KHDRBS2: variants seen among roughly 807,000 people sequenced by gnomAD.
KHDRBS2 encodes the protein KH RNA binding domain containing, signal transduction associated 2, also known as KH domain-containing, RNA-binding, signal transduction-associated protein 2.
In KHDRBS2, 26 loss-of-function variants were observed where a neutral mutation model predicts 44.3. That is an observed-to-expected ratio of 0.59 (90% CI 0.43 to 0.81). The LOEUF is 0.81. KHDRBS2 is among the 40% of genes least tolerant of loss of function. The pLI, the probability that KHDRBS2 is intolerant of heterozygous loss-of-function variation, is 0.00. For synonymous variants in KHDRBS2, 194 were observed against 151.1 expected (o/e 1.28, Z -2.08); for missense variants, 476 against 433.1 (o/e 1.10, Z -0.88).
intron 3 of KHDRBS2, among the ~76,000 whole-genome samples, chr6:62,022,528 C>T (rs187070217): frequency 8.8e-4 from 133 of 151,760 alleles, no homozygotes; most frequent in Middle Eastern, 6.8e-3. Flanking sequence ...TGTACTATAT[C>T]CTAAAAAGAC....
intron 4 of KHDRBS2, among the ~76,000 whole-genome samples, chr6:61,916,840 A>T (rs1458323896): frequency 2.6e-5 from 4 of 151,874 alleles, no homozygotes; most frequent in African/African-American, 9.7e-5. Flanking sequence ...GCTCAAAATC[A>T]TATGTCATTA....
At chr6:61,556,077 C>T in the KHDRBS2 span, among the ~76,000 whole-genome samples, 8 of 152,146 alleles carry the variant, frequency 5.3e-5, no homozygotes, top group Non-Finnish European at 1.2e-4. Flanking sequence ...CTGCCTGCAT[C>T]CATGTGGGCA....
intron 6 of KHDRBS2, among the ~76,000 whole-genome samples, chr6:61,805,162 A>AT (rs1389973378): frequency 6.6e-6 from 1 of 151,976 alleles, no homozygotes; most frequent in African/African-American, 2.4e-5. Context: ...CTGCTTAGAA[A>AT]TTTTTTCCTC....
In KHDRBS2 at chr6:61,730,388, G is replaced by A. The variant is rs997340887; in HGVS notation, c.893+2294C>T. ...CCATGGTGTAGAACATATTAGGCTC[G>A]ACATTCACATACTCAACAATTATCC... On this transcript the variant is annotated intron_variant, in intron 7 of 8. Transcript: ENST00000281156. Among the ~76,000 whole-genome samples the A allele has an allele frequency of 7.9e-5, 12 of 151,810 alleles. No homozygotes were observed. In the East Asian group the frequency reaches 1.2e-3, roughly 15 times the overall value.
At chr6:62,243,604 CA>C (rs11306947) in intron 1 of KHDRBS2, among the ~76,000 whole-genome samples, 37,360 of 116,396 alleles carry the variant, frequency 0.32, 7,058 homozygotes, top group African/African-American at 0.59. Context: ...CATACCTATA[CA>C]AAAAAAAAAA....
rs560896225 is a variant in KHDRBS2 at position 62,047,948 on chromosome 6, T to C, written c.266A>G (p.Lys89Arg). The C allele has an allele frequency of 5.0e-6, 8 of 1,612,100 alleles. No individual in the cohort carries two copies. The highest frequency in any genetic ancestry group is 2.2e-5 in the South Asian group (2 of 91,040). The change falls in exon 3 of 9, where the codon AAG (lysine) becomes AGG (arginine). Residue 89 changes from lysine to arginine, a missense_variant. By Grantham distance (26) the Lys-to-Arg change is conservative (BLOSUM62 2). Transcript: ENST00000281156. The stretch of plus-strand genomic sequence containing the variant: ...AGCACCTGTTTCTTCCTGTAGCCTC[T>C]TCAAGGAGTTTCCTCTTGGTCCAAG... ...KLLGPRGNSL[K>R]RLQEETGAKM... is the part of the protein sequence containing the mutation.
At chr6:61,966,500 T>C (rs1255545187) in intron 4 of KHDRBS2, among the ~76,000 whole-genome samples, 2 of 152,034 alleles carry the variant, frequency 1.3e-5, no homozygotes, top group African/African-American at 4.8e-5. Flanking sequence ...ATAATTTGCA[T>C]GTGCATTTTT....
intron 4 of KHDRBS2, among the ~76,000 whole-genome samples, chr6:61,903,494 A>C (rs547703831): frequency 6.6e-6 from 1 of 152,338 alleles, no homozygotes; most frequent in South Asian, 2.1e-4. Flanking sequence ...ATTTTATAAT[A>C]ATAAGATGAA....
intron 2 of KHDRBS2, among the ~76,000 whole-genome samples, chr6:62,111,423 G>T (rs1202548068): frequency 6.6e-6 from 1 of 152,148 alleles, no homozygotes; most frequent in East Asian, 1.9e-4. Context: ...TCATGGTATA[G>T]TATCTTATAT....
chr6:61,842,466 C>T (rs1389564189), intron 6 of KHDRBS2, among the ~76,000 whole-genome samples: 1 of 152,124 alleles, frequency 6.6e-6, no homozygotes, highest in African/African-American at 2.4e-5. Context: ...ATCTTGAATG[C>T]TTCCTGGGGC....
At chr6:62,216,840 T>A (rs1830084979) in intron 1 of KHDRBS2, among the ~76,000 whole-genome samples, 1 of 151,266 alleles carries the variant, frequency 6.6e-6, no homozygotes. Context: ...AGTTTGCACC[T>A]CGTAAAATTA....
chr6:61,609,840 C>T, the KHDRBS2 span, among the ~76,000 whole-genome samples: 2 of 152,082 alleles, frequency 1.3e-5, no homozygotes, highest in Non-Finnish European at 2.9e-5. Flanking sequence ...CAGAATATAT[C>T]CTGAGGAATA....
chr6:62,132,725 T>C (rs1810616518), intron 2 of KHDRBS2, among the ~76,000 whole-genome samples: 1 of 152,200 alleles, frequency 6.6e-6, no homozygotes, highest in South Asian at 2.1e-4. Flanking sequence ...AACATGGCAT[T>C]ATTATTTTCA....
chr6:62,146,385 C>A (rs1813935728), intron 2 of KHDRBS2, among the ~76,000 whole-genome samples: 1 of 151,324 alleles, frequency 6.6e-6, no homozygotes, highest in African/African-American at 2.4e-5. Context: ...TTTTAAAATC[C>A]ACTAGTTGTT....
the KHDRBS2 span, among the ~76,000 whole-genome samples, chr6:61,616,916 T>A: frequency 6.6e-6 from 1 of 152,168 alleles, no homozygotes; most frequent in Non-Finnish European, 1.5e-5. Context: ...TTGCTAAAAC[T>A]ATCAGTTAAG....
chr6:61,814,055 T>G (rs1788528281), intron 6 of KHDRBS2: 1 of 455,812 alleles, frequency 2.2e-6, no homozygotes, highest in African/African-American at 2.0e-5. Context: ...ACATATTTAT[T>G]CATTTATTTA....
intron 3 of KHDRBS2, among the ~76,000 whole-genome samples, chr6:62,036,149 C>T (rs897276000): frequency 6.6e-6 from 1 of 151,838 alleles, no homozygotes; most frequent in African/African-American, 2.4e-5. Context: ...TTGCAGAGAG[C>T]TGTCAAATCA....
In KHDRBS2 at chr6:61,686,360, G is replaced by A. The variant is rs577061374; in HGVS notation, c.953-5300C>T. Reference sequence around the variant, plus strand: ...GTTGATTAAAATTCATCCTGGCTTTGAGCCACTCAGTTTGTTCATCTCAGC... The same window carrying A: ...GTTGATTAAAATTCATCCTGGCTTTAAGCCACTCAGTTTGTTCATCTCAGC... On this transcript the variant is annotated intron_variant, in intron 8 of 8. Transcript: ENST00000281156. Among the ~76,000 whole-genome samples, 65 of 151,814 alleles carry A rather than the reference G, an allele frequency of 4.3e-4. 1 individual carries two copies. Among genetic ancestry groups the A allele is most frequent in the African/African-American group, 1.5e-3 (64 of 41,484 alleles).
rs1795048866 is a variant in KHDRBS2 at position 61,848,947 on chromosome 6, A to G, written c.810+45688T>C. ...TAAGCATTTCGTTGCCGGAAAAATT[A>G]TCCAAATCTTTGAAAGAAAGCAAAA... On this transcript the variant is annotated intron_variant, in intron 6 of 8. Transcript: ENST00000281156. Among the ~76,000 whole-genome samples the G allele has an allele frequency of 2.0e-5, 3 of 152,154 alleles. No homozygotes were observed. In the South Asian group the frequency reaches 6.2e-4, roughly 31 times the overall value.
Sources: gnomAD v4.1 joint callset for allele counts (sites outside exome capture counted in the v4.1 genomes callset) on GRCh38, gnomAD v4.1.1 for gene constraint, MANE v1.5 for transcripts, NCBI Gene and HGNC (gene_info 2026-07-23, HGNC 2026-07-21) for gene names.